The following UGT2A3 variants were observed in gnomAD, a reference collection of about 807,000 sequenced individuals.
UGT2A3 encodes UDP-glucuronosyltransferase 2A3.
In UGT2A3, 55 loss-of-function variants were observed where a neutral mutation model predicts 44.1. That is an observed-to-expected ratio of 1.25 (90% confidence interval 1.00 to 1.56). The LOEUF is 1.56. Among genes scored for constraint, UGT2A3 ranks in the 40% most tolerant of loss-of-function variants. UGT2A3 has a pLI of 0.00. For synonymous variants in UGT2A3, 243 were observed against 215.1 expected (o/e 1.13, Z -1.13); for missense variants, 733 against 621.6 (o/e 1.18, Z -1.91).
Position 68,951,486 on chromosome 4 carries a change from T to A in UGT2A3, c.275A>T (p.Asp92Val). 6.2e-7 allele frequency: 1 copy of A among 1,612,642 alleles called. No individual in the cohort carries two copies. The highest frequency in any genetic ancestry group is 8.5e-7 in the Non-Finnish European group (1 of 1,179,262). Residue 92 changes from aspartate to valine, a missense_variant, in exon 1 of 6, where the codon GAC becomes GTC. Transcript: ENST00000251566. Reference sequence around the variant, plus strand: ...GCCTGGCAAGACATTCAGAGCTAGGTCAACAAATATTTCATTTTCTTCTGT... The same window carrying A: ...GCCTGGCAAGACATTCAGAGCTAGGACAACAAATATTTCATTTTCTTCTGT... ...DRTEENEIFV[D>V]LALNVLPGLS...
chr4:68,932,281 T>A (rs1717765427), intron 3 of UGT2A3, among the ~76,000 whole-genome samples: 3 of 151,976 alleles, frequency 2.0e-5, no homozygotes, highest in Non-Finnish European at 4.4e-5. Flanking sequence ...TTCTTCTTTT[T>A]TTTTTTATAT....
intron 2 of UGT2A3, among the ~76,000 whole-genome samples, chr4:68,942,656 T>C (rs933709604): frequency 6.6e-6 from 1 of 150,920 alleles, no homozygotes; most frequent in Non-Finnish European, 1.5e-5. Context: ...TTAACTGAAA[T>C]AATCCAGGCA....
chr4:68,944,540 T>A (rs1223766657), intron 2 of UGT2A3, among the ~76,000 whole-genome samples: 1 of 151,860 alleles, frequency 6.6e-6, no homozygotes, highest in Non-Finnish European at 1.5e-5. Context: ...TTTCCTCTGA[T>A]GATTTAGGAA....
rs1717658405 is a variant in UGT2A3, at chr4:68,929,893, C to T, written c.1504G>A (p.Ala502Thr). The T allele has an allele frequency of 1.2e-6, 2 of 1,612,884 alleles. No homozygotes were observed. The highest frequency in any genetic ancestry group is 1.7e-6 in the Non-Finnish European group (2 of 1,179,224). Residue 502 changes from alanine to threonine, a missense_variant, in exon 6 of 6, where the codon GCT becomes ACT. Transcript: ENST00000251566. ...AAACATTTTGTGAACAAGAATATAG[C>T]AGTTGCCACACAGGCCAGCAGGAAC... ...IGFLLACVATAIFLFTKCFLF... is the reference protein window; with the variant it reads ...IGFLLACVATTIFLFTKCFLF...
chr4:68,946,312 T>C (rs778166456), intron 1 of UGT2A3, among the ~76,000 whole-genome samples: 42 of 151,704 alleles, frequency 2.8e-4, no homozygotes, highest in Non-Finnish European at 5.2e-4. Flanking sequence ...TCAAAGTTGG[T>C]GGTGTTATAC....
Position 68,951,561 on chromosome 4 carries a change from C to T in UGT2A3, c.200G>A (p.Arg67Lys). ...THSKPSLIDY[R>K]KPSALKFEVV... ...CTCAAATTTCAATGCAGAAGGCTTCCTGTAGTCAATTAACGAAGGCTTTGA... is the reference window on the plus strand; with the variant it reads ...CTCAAATTTCAATGCAGAAGGCTTCTTGTAGTCAATTAACGAAGGCTTTGA... The change falls in exon 1 of 6, where the codon AGG (arginine) becomes AAG (lysine). Residue 67 changes from arginine to lysine, a missense_variant. Physicochemically the swap from Arg to Lys is conservative, Grantham distance 26 (BLOSUM62 2). Coordinates refer to ENST00000251566, the MANE Select transcript of UGT2A3 (RefSeq NM_024743.4). 1.2e-6 allele frequency: 2 copies of T among 1,613,028 alleles called. No homozygotes were observed. Among genetic ancestry groups the T allele is most frequent in the Non-Finnish European group, 1.7e-6 (2 of 1,179,480 alleles).
At chr4:68,932,900 C>G (rs997559892) in intron 2 of UGT2A3, 141 bp from the exon 3 acceptor site, 1 of 800,736 alleles carries the variant, frequency 1.2e-6, no homozygotes, top group African/African-American at 1.8e-5. Context: ...ACACACAGAA[C>G]TATCTAGTCT....
chr4:68,935,285 T>C (rs1215764241), intron 2 of UGT2A3, among the ~76,000 whole-genome samples: 6 of 75,208 alleles, frequency 8.0e-5, no homozygotes, highest in African/African-American at 2.4e-4. Context: ...TGTATATATA[T>C]ATATATATAT....
At chr4:68,931,507 A>G (rs1226716423) in intron 3 of UGT2A3, among the ~76,000 whole-genome samples, 1 of 152,008 alleles carries the variant, frequency 6.6e-6, no homozygotes, top group Non-Finnish European at 1.5e-5. Flanking sequence ...ATACCAGTGA[A>G]TATTTAAAAA....
chr4:68,943,853 T>G (rs1244940398), intron 2 of UGT2A3, among the ~76,000 whole-genome samples: 1 of 151,766 alleles, frequency 6.6e-6, no homozygotes, highest in Non-Finnish European at 1.5e-5. Flanking sequence ...TCTTTCAGTC[T>G]CAGAATGCCT....
At chr4:68,932,985 A>T (rs1016331044) in intron 2 of UGT2A3, among the ~76,000 whole-genome samples, 1 of 152,024 alleles carries the variant, frequency 6.6e-6, no homozygotes, top group Non-Finnish European at 1.5e-5. Context: ...GCGCACAACC[A>T]AAACAGTATG....
intron 2 of UGT2A3, among the ~76,000 whole-genome samples, chr4:68,940,258 T>C (rs1175191760): frequency 2.0e-5 from 3 of 152,090 alleles, no homozygotes; most frequent in African/African-American, 7.2e-5. Context: ...CATATGTTTA[T>C]TGTAGCACTA....
At chr4:68,940,731 A>ATT (rs1718153596) in intron 2 of UGT2A3, among the ~76,000 whole-genome samples, 1 of 146,900 alleles carries the variant, frequency 6.8e-6, no homozygotes, top group East Asian at 2.0e-4. Flanking sequence ...GTATATATAT[A>ATT]ATATACACAT....
intron 2 of UGT2A3, among the ~76,000 whole-genome samples, chr4:68,944,839 A>C (rs1718323312): frequency 6.6e-6 from 1 of 151,736 alleles, no homozygotes; most frequent in South Asian, 2.1e-4. Flanking sequence ...CTTTCCATTT[A>C]TTGAAATTTT....
At chr4:68,948,556 TC>T (rs1718468953) in intron 1 of UGT2A3, among the ~76,000 whole-genome samples, 1 of 149,956 alleles carries the variant, frequency 6.7e-6, no homozygotes, top group Admixed American at 6.7e-5. Flanking sequence ...CAAGCCGTTC[TC>T]CCACCTGAGC....
chr4:68,951,548 T>C lies in UGT2A3; in HGVS notation c.213A>G (p.Ala71=). The C allele has an allele frequency of 6.2e-7, 1 of 1,613,064 alleles. No individual in the cohort carries two copies. Among genetic ancestry groups the C allele is most frequent in the East Asian group, 2.2e-5 (1 of 44,762 alleles). ...GCATATGGACCACCTCAAATTTCAA[T>C]GCAGAAGGCTTCCTGTAGTCAATTA... ...PSLIDYRKPS[A]LKFEVVHMPQ... is the part of the protein sequence containing the mutation. The change falls in exon 1 of 6, where the codon GCA becomes GCG. Residue 71 remains alanine (A), a synonymous_variant. Transcript: ENST00000251566.
intron 2 of UGT2A3, among the ~76,000 whole-genome samples, chr4:68,938,738 A>T (rs1284947354): frequency 6.6e-6 from 1 of 152,152 alleles, no homozygotes; most frequent in African/African-American, 2.4e-5. Context: ...AGGATATTCA[A>T]TTAGGAAAAG....
chr4:68,930,780 G>T lies in UGT2A3; in HGVS notation c.1085-15C>A. The T allele has an allele frequency of 6.5e-7, 1 of 1,547,846 alleles. No individual in the cohort carries two copies. The highest frequency in any genetic ancestry group is 8.7e-7 in the Non-Finnish European group (1 of 1,148,334). On this transcript the variant is annotated splice_polypyrimidine_tract_variant and intron_variant, in intron 4 of 5. Transcript: ENST00000251566. ...TTTGGGATGACCTAGTATGTAAATT[G>T]GATGAGAAATGGTGAGATATTTTAT...
intron 2 of UGT2A3, among the ~76,000 whole-genome samples, chr4:68,943,964 A>G (rs1055783852): frequency 6.6e-6 from 1 of 151,848 alleles, no homozygotes; most frequent in East Asian, 1.9e-4. Context: ...ATTTTGGCAC[A>G]TAGATCCCTC....
Sources: allele counts gnomAD v4.1 joint callset (sites outside exome capture counted in the v4.1 genomes callset), GRCh38; gene constraint gnomAD v4.1.1; transcripts MANE v1.5; gene names NCBI Gene and HGNC (gene_info 2026-07-23, HGNC 2026-07-21).